STAU2: variants seen among roughly 807,000 people sequenced by gnomAD.
The protein encoded by STAU2 is staufen double-stranded RNA binding protein 2, also known as double-stranded RNA-binding protein Staufen homolog 2.
A neutral mutation model predicts 65.9 loss-of-function variants in STAU2; 20 were observed. The observed-to-expected ratio is 0.30, with a 90% confidence interval of 0.21 to 0.44. The LOEUF (loss-of-function observed/expected upper bound fraction) is 0.44. Among genes scored for constraint, STAU2 ranks in the 20% least tolerant of loss-of-function variants. STAU2 has a pLI of 1.00. For missense variants in STAU2, 558 were observed against 683.9 expected (o/e 0.82, Z 2.05); for synonymous variants, 232 against 233.9 (o/e 0.99, Z 0.07).
At position 73,420,886 on chromosome 8, in the gene STAU2, T is replaced by C. The variant is rs1222054212; in HGVS notation, c.*486A>G. ...AATATCTGCATAAAAAGAGAAACCA[T>C]GTGACTCTATATGAAGACAACCATC... On this transcript the variant is annotated 3_prime_UTR_variant, in exon 15 of 15. Transcript: ENST00000524300. 2 of 156,294 alleles carry C rather than the reference T, an allele frequency of 1.3e-5. No individual in the cohort carries two copies. The highest frequency in any genetic ancestry group is 4.8e-5 in the African/African-American group (2 of 41,490). The allele number at this position is 156,294 out of a possible 1,614,324, so 9.7% of individuals were successfully genotyped here. A position where few individuals can be genotyped will look rare whatever the true frequency, so the allele number is the denominator to read the frequency against.
At chr8:73,686,758 T>C (rs888111663) in intron 5 of STAU2, among the ~76,000 whole-genome samples, 1 of 151,906 alleles carries the variant, frequency 6.6e-6, no homozygotes, top group Non-Finnish European at 1.5e-5. Flanking sequence ...GATAATGACA[T>C]ATAATGTTGT....
At chr8:73,659,581 A>AT (rs900659707) in intron 6 of STAU2, among the ~76,000 whole-genome samples, 6 of 151,706 alleles carry the variant, frequency 4.0e-5, no homozygotes, top group East Asian at 3.9e-4. Context: ...TTGTACCCAG[A>AT]TTTTTTTTTA....
chr8:73,704,445 A>G (rs1434082312), intron 4 of STAU2, among the ~76,000 whole-genome samples: 1 of 152,190 alleles, frequency 6.6e-6, no homozygotes, highest in Non-Finnish European at 1.5e-5. Context: ...GTATTACATA[A>G]TATTTGGGCT....
intron 13 of STAU2, among the ~76,000 whole-genome samples, chr8:73,436,834 G>C (rs1164745816): frequency 6.6e-6 from 1 of 151,904 alleles, no homozygotes; most frequent in African/African-American, 2.4e-5. Context: ...TGATCTGCCC[G>C]CCTCAACCTC....
chr8:73,743,645 A>C (rs1477160637), intron 1 of STAU2, among the ~76,000 whole-genome samples: 1 of 149,106 alleles, frequency 6.7e-6, no homozygotes, highest in African/African-American at 2.5e-5. Context: ...GGCTAATTTT[A>C]CATTTTTAGT....
intron 12 of STAU2, among the ~76,000 whole-genome samples, chr8:73,574,959 CAG>C (rs1383973585): frequency 2.6e-5 from 4 of 151,144 alleles, no homozygotes; most frequent in Non-Finnish European, 3.0e-5. Flanking sequence ...TTTTTAATTT[CAG>C]AGTCGGAAAG....
intron 5 of STAU2, among the ~76,000 whole-genome samples, chr8:73,676,542 T>C (rs1387939462): frequency 6.6e-6 from 1 of 152,136 alleles, no homozygotes; most frequent in Non-Finnish European, 1.5e-5. Flanking sequence ...GCGCTAACTA[T>C]AAAGGAAAAG....
At chr8:73,647,222 T>C (rs1450845315) in intron 6 of STAU2, among the ~76,000 whole-genome samples, 1 of 152,198 alleles carries the variant, frequency 6.6e-6, no homozygotes, top group East Asian at 1.9e-4. Flanking sequence ...GGTATCACAC[T>C]CCTGTGTATT....
chr8:73,729,310 A>G (rs547798152), intron 3 of STAU2, among the ~76,000 whole-genome samples: 3 of 152,282 alleles, frequency 2.0e-5, no homozygotes, highest in South Asian at 2.1e-4. Flanking sequence ...TCAGTTTGCT[A>G]GTATTTTGTT....
At chr8:73,692,543 C>A (rs1017948071) in intron 4 of STAU2, among the ~76,000 whole-genome samples, 35 of 152,272 alleles carry the variant, frequency 2.3e-4, no homozygotes, top group African/African-American at 7.9e-4. Flanking sequence ...TTTAGAATAT[C>A]CTTTATAATA....
chr8:73,661,836 T>C (rs898157550), intron 6 of STAU2, among the ~76,000 whole-genome samples: 2 of 152,184 alleles, frequency 1.3e-5, no homozygotes, highest in Admixed American at 6.5e-5. Context: ...ATTTACCTAG[T>C]GGTAGATATT....
intron 3 of STAU2, among the ~76,000 whole-genome samples, chr8:73,716,081 A>AT (rs1434835551): frequency 1.3e-4 from 18 of 134,602 alleles, no homozygotes; most frequent in Non-Finnish European, 2.7e-4. Context: ...TGCCCAGCTA[A>AT]TTTTTTTTTC....
chr8:73,654,965 G>A (rs1223906358), intron 6 of STAU2, among the ~76,000 whole-genome samples: 1 of 152,136 alleles, frequency 6.6e-6, no homozygotes, highest in Non-Finnish European at 1.5e-5. Flanking sequence ...GATTACAGGC[G>A]TGAGCCACCG....
chr8:73,452,869 C>T lies in STAU2; in HGVS notation c.1531-30167G>A, dbSNP rs74514817. On this transcript the variant is annotated intron_variant, in intron 13 of 14. Coordinates refer to ENST00000524300, the MANE Select transcript of STAU2 (RefSeq NM_001164380.2). ...GCTAATTTATAGCACCGTAAAGGTA[C>T]AGTTCAAAGCTCCAACGAGCCAGAA... 4.1e-3 allele frequency among the ~76,000 whole-genome samples: 629 copies of T among 152,260 alleles called. 4 individuals are homozygous for T. Among genetic ancestry groups the T allele is most frequent in the African/African-American group, 0.014 (599 of 41,546 alleles).
At chr8:73,567,781 C>T (rs1222221862) in intron 12 of STAU2, among the ~76,000 whole-genome samples, 2 of 151,968 alleles carry the variant, frequency 1.3e-5, no homozygotes, top group African/African-American at 2.4e-5. Flanking sequence ...AACTCCTGAC[C>T]TCAAGTGATC....
chr8:73,467,254 C>T (rs560642859), intron 13 of STAU2, among the ~76,000 whole-genome samples: 11 of 152,300 alleles, frequency 7.2e-5, no homozygotes, highest in South Asian at 4.1e-4. Context: ...TCTTCTCGGC[C>T]GGGCGCAGTG....
chr8:73,613,245 T>C (rs887042051), intron 9 of STAU2, among the ~76,000 whole-genome samples: 19 of 152,184 alleles, frequency 1.2e-4, no homozygotes, highest in Admixed American at 1.2e-3. Context: ...AGTCACATGA[T>C]TTTTTTGTGT....
At chr8:73,692,043 A>C (rs1020878332) in intron 4 of STAU2, among the ~76,000 whole-genome samples, 21 of 152,156 alleles carry the variant, frequency 1.4e-4, no homozygotes, top group Non-Finnish European at 2.9e-5. Flanking sequence ...ATAATCGATC[A>C]TGCCTATGTG....
intron 13 of STAU2, among the ~76,000 whole-genome samples, chr8:73,543,157 G>A (rs1806661872): frequency 6.6e-6 from 1 of 152,188 alleles, no homozygotes; most frequent in Non-Finnish European, 1.5e-5. Flanking sequence ...AGTGAAAGAT[G>A]CCAGATACAA....
Sources: gnomAD v4.1 joint callset for allele counts (sites outside exome capture counted in the v4.1 genomes callset) on GRCh38, gnomAD v4.1.1 for gene constraint, MANE v1.5 for transcripts, NCBI Gene and HGNC (gene_info 2026-07-23, HGNC 2026-07-21) for gene names.